The following CHD6 variants were observed in gnomAD, a reference collection of about 807,000 sequenced individuals.
The protein encoded by CHD6 is ATP-dependent chromatin remodeler CHD6.
In CHD6, 50 loss-of-function variants were observed where a neutral mutation model predicts 276.9. That is an observed-to-expected ratio of 0.18 (90% CI 0.14 to 0.23). The LOEUF is 0.23. CHD6 is among the 10% of genes least tolerant of loss of function. The pLI, the probability that CHD6 is intolerant of heterozygous loss-of-function variation, is 1.00. For synonymous variants in CHD6, 1,173 were observed against 1,229.3 expected (o/e 0.95, Z 0.96); for missense variants, 2,564 against 3,365.8 (o/e 0.76, Z 5.89).
At chr20:41,606,312 C>T (rs2045827565) in intron 1 of CHD6, among the ~76,000 whole-genome samples, 1 of 152,166 alleles carries the variant, frequency 6.6e-6, no homozygotes, top group Non-Finnish European at 1.5e-5. Flanking sequence ...GAGATCAAGA[C>T]CACCCTGGCT....
intron 16 of CHD6, among the ~76,000 whole-genome samples, chr20:41,475,617 T>C (rs76064688): frequency 0.087 from 13,208 of 152,200 alleles, 680 homozygotes; most frequent in Non-Finnish European, 0.13. Context: ...AGCACAATAC[T>C]TGGAGTCAAA....
chr20:41,497,505 T>C lies in CHD6; in HGVS notation c.975-4A>G. On this transcript the variant is annotated splice_polypyrimidine_tract_variant and splice_region_variant and intron_variant, in intron 7 of 36. Transcript: ENST00000373233. ...CCATTTACAATGTAAGTAGGAACTA[T>C]CCAAAGACATACAAATTGTCAGGCA... The C allele has an allele frequency of 6.3e-7, 1 of 1,590,186 alleles. No homozygotes were observed. Among genetic ancestry groups the C allele is most frequent in the East Asian group, 2.2e-5 (1 of 44,666 alleles).
chr20:41,590,346 A>T (rs1386425698), intron 1 of CHD6, among the ~76,000 whole-genome samples: 2 of 152,368 alleles, frequency 1.3e-5, no homozygotes, highest in East Asian at 3.9e-4. Flanking sequence ...ATGGCAACAA[A>T]AGCCAAAATT....
intron 1 of CHD6, among the ~76,000 whole-genome samples, chr20:41,575,725 CA>C (rs2045467218): frequency 6.6e-6 from 1 of 152,238 alleles, no homozygotes. Flanking sequence ...AATCATTTCT[CA>C]AATTTCTCCC....
intron 1 of CHD6, among the ~76,000 whole-genome samples, chr20:41,566,840 G>A (rs1035786941): frequency 6.6e-6 from 1 of 152,174 alleles, no homozygotes; most frequent in Non-Finnish European, 1.5e-5. Flanking sequence ...CCAGTGTTAG[G>A]TGTACTGTGC....
At chr20:41,508,541 G>C (rs565392169) in intron 5 of CHD6, among the ~76,000 whole-genome samples, 2 of 152,236 alleles carry the variant, frequency 1.3e-5, no homozygotes, top group South Asian at 4.1e-4. Flanking sequence ...CTCAGCACAG[G>C]GGGTGGCAGC....
At chr20:41,485,460 A>C (rs1490157999) in intron 14 of CHD6, 1 of 152,200 alleles carries the variant, frequency 6.6e-6, no homozygotes, top group Non-Finnish European at 1.5e-5. Flanking sequence ...AAAATTTAAA[A>C]GGGGTAGACT....
intron 12 of CHD6, among the ~76,000 whole-genome samples, chr20:41,489,081 G>A (rs1043439184): frequency 6.6e-6 from 1 of 152,006 alleles, no homozygotes; most frequent in African/African-American, 2.4e-5. Flanking sequence ...CTACTAGGCA[G>A]GACACAGCTT....
chr20:41,535,207 C>T (rs1393454462), intron 2 of CHD6, among the ~76,000 whole-genome samples: 4 of 152,124 alleles, frequency 2.6e-5, no homozygotes, highest in African/African-American at 9.7e-5. Context: ...AAGCTAGAAG[C>T]AGGTGGCAGT....
intron 1 of CHD6, among the ~76,000 whole-genome samples, chr20:41,599,204 A>G (rs1400142822): frequency 6.6e-6 from 1 of 152,212 alleles, no homozygotes; most frequent in Non-Finnish European, 1.5e-5. Context: ...TGGCTTGGGA[A>G]AACAGGATAG....
intron 1 of CHD6, among the ~76,000 whole-genome samples, chr20:41,588,935 T>C (rs1358052318): frequency 6.6e-6 from 1 of 152,168 alleles, no homozygotes; most frequent in African/African-American, 2.4e-5. Context: ...TTTAGACCAA[T>C]ATCCCTGATG....
chr20:41,484,219 T>C (rs891595902), intron 15 of CHD6, 133 bp downstream of exon 15: 1 of 1,158,374 alleles, frequency 8.6e-7, no homozygotes, highest in Non-Finnish European at 1.2e-6. Flanking sequence ...CTCAGTTTTA[T>C]ACTCTGTAAA....
intron 1 of CHD6, among the ~76,000 whole-genome samples, chr20:41,588,597 A>C (rs910550822): frequency 6.6e-6 from 1 of 152,182 alleles, no homozygotes; most frequent in Non-Finnish European, 1.5e-5. Flanking sequence ...GTAGAAAACT[A>C]CTACAGGAGA....
intron 34 of CHD6, 165 bp downstream of exon 34, chr20:41,415,021 T>C (rs2046950359): frequency 9.7e-6 from 14 of 1,445,996 alleles, no homozygotes; most frequent in African/African-American, 1.4e-5. Context: ...TTAGTAACTA[T>C]CTAGTTCTAC....
chr20:41,415,751 TAGG>T (rs2046977403), intron 33 of CHD6, 113 bp from the exon 34 acceptor site: 2 of 799,908 alleles, frequency 2.5e-6, no homozygotes, highest in Non-Finnish European at 3.9e-6. Flanking sequence ...ATCATCTTTT[TAGG>T]AGTTCTTCTA....
rs572238291 is a variant in CHD6 at position 41,487,115 on chromosome 20, T to C, written c.2001+550A>G. ...ATTTATTACTATCAGTTGTTTTTTA[T>C]TAGCTTTGAGTCCAACAAGGTAGAC... On this transcript the variant is annotated intron_variant, in intron 14 of 36. Transcript: ENST00000373233. Among the ~76,000 whole-genome samples, 6 of 152,360 alleles carry C rather than the reference T, an allele frequency of 3.9e-5. No individual in the cohort carries two copies. In the East Asian group the frequency reaches 1.2e-3, roughly 29 times the overall value.
intron 17 of CHD6, among the ~76,000 whole-genome samples, chr20:41,460,933 G>C (rs2048527591): frequency 6.6e-6 from 1 of 152,178 alleles, no homozygotes; most frequent in Admixed American, 6.5e-5. Flanking sequence ...AAAGCTGCTG[G>C]GGGAGGGAGG....
intron 3 of CHD6, among the ~76,000 whole-genome samples, chr20:41,530,254 C>T (rs538828372): frequency 2.0e-5 from 3 of 152,200 alleles, no homozygotes; most frequent in East Asian, 3.9e-4. Flanking sequence ...GGAGAAAAGG[C>T]GATCTGATTT....
At chr20:41,575,112 G>A (rs559367243) in intron 1 of CHD6, among the ~76,000 whole-genome samples, 1 of 152,234 alleles carries the variant, frequency 6.6e-6, no homozygotes, top group Admixed American at 6.5e-5. Context: ...TTTACATAGC[G>A]TGTACATCAA....
Sources: gnomAD v4.1 joint callset for allele counts (sites outside exome capture counted in the v4.1 genomes callset) on GRCh38, gnomAD v4.1.1 for gene constraint, MANE v1.5 for transcripts, NCBI Gene and HGNC (gene_info 2026-07-23, HGNC 2026-07-21) for gene names.